Variants in MGRN1 observed in about 807,000 individuals in gnomAD.
The protein encoded by MGRN1 is mahogunin ring finger 1, also known as E3 ubiquitin-protein ligase MGRN1.
MGRN1 carries 29 observed loss-of-function variants against 69.2 expected under a neutral mutation model. The ratio of observed to expected loss-of-function variants is 0.42; its 90% CI spans 0.31 to 0.57. The LOEUF is 0.57. Among genes scored for constraint, MGRN1 ranks in the 20% least tolerant of loss-of-function variants. The pLI, the probability that MGRN1 is intolerant of heterozygous loss-of-function variation, is 0.15. For synonymous variants in MGRN1, 470 were observed against 344.2 expected (o/e 1.37, Z -4.04); for missense variants, 998 against 796.2 (o/e 1.25, Z -3.05).
chr16:4,651,909 T>C, intron 2 of MGRN1, 54 bp from the exon 3 acceptor site: 2 of 1,537,380 alleles, frequency 1.3e-6, no homozygotes, highest in Non-Finnish European at 1.8e-6. Flanking sequence ...ACCCGTTTTC[T>C]GTTGTTGGCT....
Position 4,624,902 on chromosome 16 carries a change from C to G in MGRN1, c.-59C>G, listed in dbSNP as rs755185473. ...CCGGGCCATGTCCGCGTGAGGACCC[C>G]GCCGCTGTCGCCGCTCCCGTTCCGG... On this transcript the variant is annotated 5_prime_UTR_variant, in exon 1 of 17. Transcript: ENST00000262370. 8.4e-6 allele frequency: 12 copies of G among 1,431,582 alleles called. No individual in the cohort carries two copies. The African/African-American group carries it at 1.5e-4, about 18-fold the overall frequency. 88.7% of individuals were successfully genotyped at this position (1,431,582 alleles called of 1,614,324 possible).
chr16:4,660,011 A>T (rs1442117306), intron 5 of MGRN1, among the ~76,000 whole-genome samples: 1 of 152,206 alleles, frequency 6.6e-6, no homozygotes. Context: ...GCCAGGCCGC[A>T]GAGACCTGGA....
At chr16:4,649,421 C>G (rs76249340) in intron 1 of MGRN1, 1 of 152,314 alleles carries the variant, frequency 6.6e-6, no homozygotes, top group South Asian at 2.1e-4. Context: ...TCCCCGAAGG[C>G]GCTGGGGGAG....
intron 5 of MGRN1, among the ~76,000 whole-genome samples, chr16:4,662,684 G>C (rs902166252): frequency 3.9e-5 from 6 of 152,214 alleles, no homozygotes; most frequent in African/African-American, 1.4e-4. Context: ...GCCGAGGCTC[G>C]GAGGGAGGAG....
intron 14 of MGRN1, 21 bp downstream of exon 14, chr16:4,682,967 C>G (rs547677588): frequency 1.3e-6 from 2 of 1,531,048 alleles, no homozygotes; most frequent in African/African-American, 2.8e-5. Flanking sequence ...CCCGGGGAAG[C>G]TTTGCGCACC....
intron 5 of MGRN1, among the ~76,000 whole-genome samples, chr16:4,661,871 G>A (rs1305197803): frequency 1.3e-5 from 2 of 152,224 alleles, no homozygotes; most frequent in Non-Finnish European, 2.9e-5. Flanking sequence ...CTTCTTGTGT[G>A]GATGGGTTAC....
chr16:4,668,137 TTC>T (rs2078847212), intron 7 of MGRN1, 126 bp from the exon 8 acceptor site: 3 of 633,078 alleles, frequency 4.7e-6, no homozygotes, highest in African/African-American at 3.8e-5. Context: ...TTTTTTTTTT[TTC>T]TTTTTTCTTT....
intron 1 of MGRN1, among the ~76,000 whole-genome samples, chr16:4,639,383 G>T (rs1198197322): frequency 6.6e-6 from 1 of 152,196 alleles, no homozygotes; most frequent in Non-Finnish European, 1.5e-5. Context: ...GGAAGGTGGG[G>T]CGGGGTGGGC....
chr16:4,651,676 G>T (rs1567192751), intron 2 of MGRN1, among the ~76,000 whole-genome samples: 2 of 152,118 alleles, frequency 1.3e-5, no homozygotes, highest in African/African-American at 4.8e-5. Flanking sequence ...GATATGGGAA[G>T]CCTGGGAGAG....
At chr16:4,669,647 A>T (rs1033283286) in intron 8 of MGRN1, among the ~76,000 whole-genome samples, 3 of 152,152 alleles carry the variant, frequency 2.0e-5, no homozygotes, top group African/African-American at 7.2e-5. Context: ...ATGGAAAAGG[A>T]AGGAAAGAGA....
chr16:4,686,590 T>TC (rs1451115022), intron 16 of MGRN1: 4 of 1,250,820 alleles, frequency 3.2e-6, no homozygotes, highest in Non-Finnish European at 4.0e-6. Context: ...CCTGGAACAG[T>TC]CCCAGCCCAG....
At chr16:4,648,258 C>G (rs113485413) in intron 1 of MGRN1, among the ~76,000 whole-genome samples, 3,630 of 140,270 alleles carry the variant, frequency 0.026, 44 homozygotes, top group African/African-American at 0.042. Flanking sequence ...GGTCACCCGG[C>G]TCCTCCTCCC....
chr16:4,625,092 A>G, intron 1 of MGRN1, 44 bp downstream of exon 1: 1 of 1,482,232 alleles, frequency 6.7e-7, no homozygotes. Context: ...CACGCGCTGG[A>G]ACGCGGACCC....
intron 4 of MGRN1, among the ~76,000 whole-genome samples, chr16:4,654,668 C>T (rs956248470): frequency 6.6e-5 from 10 of 152,246 alleles, no homozygotes; most frequent in African/African-American, 2.4e-4. Flanking sequence ...TCTGTGTCCT[C>T]AGCTGGAAGT....
intron 1 of MGRN1, among the ~76,000 whole-genome samples, chr16:4,643,592 TC>T (rs1458666021): frequency 6.6e-6 from 1 of 151,690 alleles, no homozygotes; most frequent in African/African-American, 2.4e-5. Flanking sequence ...CAGGATGGTC[TC>T]CATCTCCTGA....
At chr16:4,662,342 C>A (rs1163386145) in intron 5 of MGRN1, among the ~76,000 whole-genome samples, 2 of 151,980 alleles carry the variant, frequency 1.3e-5, no homozygotes, top group Non-Finnish European at 2.9e-5. Context: ...TGGTGAAACC[C>A]CGTCTCTACT....
intron 10 of MGRN1, among the ~76,000 whole-genome samples, chr16:4,676,147 G>A (rs1420489892): frequency 6.6e-6 from 1 of 152,274 alleles, no homozygotes; most frequent in Non-Finnish European, 1.5e-5. Context: ...CAGATCCCAG[G>A]AGTAAGTGAA....
At chr16:4,679,191 C>T (rs1596313988) in intron 11 of MGRN1, among the ~76,000 whole-genome samples, 2 of 152,224 alleles carry the variant, frequency 1.3e-5, no homozygotes, top group East Asian at 3.9e-4. Flanking sequence ...GGATTTGCCT[C>T]TGAGAGGGTT....
At chr16:4,670,259 T>C (rs2078909033) in intron 8 of MGRN1, among the ~76,000 whole-genome samples, 1 of 151,994 alleles carries the variant, frequency 6.6e-6, no homozygotes, top group African/African-American at 2.4e-5. Context: ...TTTTGTATTT[T>C]TGAGATGGAG....
Sources: allele counts gnomAD v4.1 joint callset (sites outside exome capture counted in the v4.1 genomes callset), GRCh38; gene constraint gnomAD v4.1.1; transcripts MANE v1.5; gene names NCBI Gene and HGNC (gene_info 2026-07-23, HGNC 2026-07-21).